PHKA1: variants seen among roughly 807,000 people sequenced by gnomAD.
PHKA1 encodes phosphorylase kinase regulatory subunit alpha 1.
In PHKA1, 60 loss-of-function variants were observed where a neutral mutation model predicts 110.2. The ratio of observed to expected loss-of-function variants is 0.54; its 90% confidence interval spans 0.44 to 0.68. The LOEUF is 0.68. Among genes scored for constraint, PHKA1 ranks in the 30% least tolerant of loss-of-function variants. The pLI is 0.00. For synonymous variants in PHKA1, 316 were observed against 333.6 expected, an observed-to-expected ratio of 0.95 and a Z score of 0.58; for missense variants, 801 against 942.5, an observed-to-expected ratio of 0.85 and a Z score of 1.97.
At chrX:72,621,028 T>G in intron 18 of PHKA1, 127 bp from the exon 19 acceptor site, 1 of 716,791 alleles carries the variant, frequency 1.4e-6, no homozygotes, top group Non-Finnish European at 2.0e-6. Context: ...GTAGGTTGTT[T>G]TTAGCTCATG....
intron 8 of PHKA1, among the ~76,000 whole-genome samples, chrX:72,659,091 T>C (rs2053530586): frequency 8.9e-6 from 1 of 112,079 alleles, no homozygotes; most frequent in Non-Finnish European, 1.9e-5. Context: ...ATTCTCCTAT[T>C]AGGGAGATCT....
At chrX:72,641,191 G>A (rs1274708819) in intron 14 of PHKA1, among the ~76,000 whole-genome samples, 1 of 111,749 alleles carries the variant, frequency 8.9e-6, no homozygotes, top group African/African-American at 3.2e-5. Flanking sequence ...TCTTAGTTAT[G>A]TCACTATGAA....
intron 2 of PHKA1, among the ~76,000 whole-genome samples, chrX:72,710,770 G>T (rs1028086511): frequency 1.2e-4 from 13 of 109,271 alleles, no homozygotes; most frequent in African/African-American, 4.4e-4. Flanking sequence ...TTTAGAATGG[G>T]CAATTCAATG....
At chrX:72,623,936 G>T (rs992185731) in intron 17 of PHKA1, among the ~76,000 whole-genome samples, 1 of 111,624 alleles carries the variant, frequency 9.0e-6, no homozygotes, top group East Asian at 2.8e-4. Flanking sequence ...AAGGGGGGAA[G>T]GGAAAGCTCT....
rs188169500 is a variant in PHKA1 at position 72,589,154 on chromosome X, T to C, written c.3243+3950A>G. Among the ~76,000 whole-genome samples the C allele has an allele frequency of 3.6e-5, 4 of 111,949 alleles. No individual in the cohort carries two copies. The East Asian group carries it at 1.1e-3, about 31-fold the overall frequency. The stretch of plus-strand genomic sequence containing the variant: ...GAGAATGTTAGACCAATATCCCTGA[T>C]GAACATCAATGGGAAAATCCTCAGT... On this transcript the variant is annotated intron_variant, in intron 29 of 31. Coordinates refer to ENST00000373542, the MANE Select transcript of PHKA1 (RefSeq NM_002637.4).
intron 2 of PHKA1, among the ~76,000 whole-genome samples, chrX:72,707,649 GT>G (rs2054308647): frequency 9.1e-6 from 1 of 109,847 alleles, no homozygotes; most frequent in African/African-American, 3.3e-5. Flanking sequence ...GTGTGTGTGT[GT>G]GTGTGTGTGT....
At chrX:72,588,147 T>C (rs1459923684) in intron 29 of PHKA1, among the ~76,000 whole-genome samples, 1 of 112,127 alleles carries the variant, frequency 8.9e-6, no homozygotes, top group African/African-American at 3.2e-5. Flanking sequence ...CAGCACCACA[T>C]GGCACTTATT....
chrX:72,682,139 C>T (rs2053896103), intron 5 of PHKA1, among the ~76,000 whole-genome samples: 1 of 91,797 alleles, frequency 1.1e-5, no homozygotes, highest in African/African-American at 3.9e-5. Flanking sequence ...CGCCTCTGCC[C>T]GGCCGCCCCT....
In PHKA1 at chrX:72,635,205, C is replaced by T. The variant is rs148224624; in HGVS notation, c.1664G>A (p.Arg555Gln). Reference sequence around the variant, plus strand: ...GGTGATGGTGGGCTGGCCTGTCATCCGCCAGCGGCTACAGAGGTAGGAGAG... The same window carrying T: ...GGTGATGGTGGGCTGGCCTGTCATCTGCCAGCGGCTACAGAGGTAGGAGAG... ...TDLSYLCSRW[R>Q]MTGQPTITFP... Residue 555 changes from arginine (R) to glutamine (Q), a missense_variant, in exon 16 of 32, where the codon CGG becomes CAG. Arg to Gln is a conservative substitution (Grantham distance 43). Transcript: ENST00000373542. The T allele has an allele frequency of 5.0e-6, 6 of 1,209,729 alleles. No homozygotes were observed. The highest frequency in any genetic ancestry group is 1.8e-5 in the South Asian group (1 of 56,809).
Position 72,581,115 on chromosome X carries a change from G to T in PHKA1, c.3559C>A (p.Leu1187Ile). 8.4e-7 allele frequency: 1 copy of T among 1,193,566 alleles called. No individual in the cohort carries two copies. Among genetic ancestry groups the T allele is most frequent in the South Asian group, 1.8e-5 (1 of 56,548 alleles). Residue 1187 changes from leucine (L) to isoleucine (I), a missense_variant, in exon 32 of 32, where the codon CTT (leucine) becomes ATT (isoleucine). Physicochemically the swap from Leu to Ile is conservative, Grantham distance 5. Around this residue, in one of 2 missense-constraint regions of PHKA1, gnomAD observed 502 missense variants for 519.2 expected, o/e 0.97. Coordinates refer to ENST00000373542, the MANE Select transcript of PHKA1 (RefSeq NM_002637.4). ...CCACTGGGTGCACTGTCATACAGAA[G>T]AGTACAGATGCCAGATGCGGGATCC... Reference protein sequence around the residue: ...AKDPASGICTLLYDSAPSGRF... With the variant: ...AKDPASGICTILYDSAPSGRF...
chrX:72,692,288 A>C (rs2147820328), intron 4 of PHKA1, among the ~76,000 whole-genome samples: 1 of 111,846 alleles, frequency 8.9e-6, no homozygotes, highest in African/African-American at 3.2e-5. Flanking sequence ...TATTAATAAG[A>C]GATATTGATC....
rs782698621 is a variant in PHKA1 at position 72,623,300 on chromosome X, A to G, written c.1794-25T>C. 3.5e-6 allele frequency: 4 copies of G among 1,159,336 alleles called. No homozygotes were observed. The East Asian group carries it at 1.2e-4, about 35-fold the overall frequency. On this transcript the variant is annotated intron_variant, in intron 17 of 31. Coordinates refer to ENST00000373542, the MANE Select transcript of PHKA1 (RefSeq NM_002637.4). ...CCTAAAAATTAGAGGAGGATAGAAA[A>G]CAGAAAATCAGGGGTGATCCTTTTT...
intron 21 of PHKA1, 94 bp downstream of exon 21, chrX:72,618,616 G>C (rs1406208046): frequency 1.4e-6 from 1 of 738,848 alleles, no homozygotes; most frequent in South Asian, 2.3e-5. Flanking sequence ...TTCAATTCCA[G>C]ATCAGCGAAA....
intron 21 of PHKA1, among the ~76,000 whole-genome samples, chrX:72,615,702 G>C (rs1351943037): frequency 2.4e-5 from 2 of 84,154 alleles, no homozygotes; most frequent in African/African-American, 9.1e-5. Flanking sequence ...AAGGAAGGAA[G>C]GAAGGAAAGA....
chrX:72,606,354 G>GCACACA (rs61135772), intron 23 of PHKA1, among the ~76,000 whole-genome samples: 16 of 101,154 alleles, frequency 1.6e-4, no homozygotes, highest in Middle Eastern at 4.9e-3. Flanking sequence ...TCACACACAT[G>GCACACA]CACACACACA....
chrX:72,652,555 A>G lies in PHKA1; in HGVS notation c.1234T>C (p.Leu412=). 1 of 1,152,339 alleles carries G rather than the reference A, an allele frequency of 8.7e-7. No individual in the cohort carries two copies. The highest frequency in any genetic ancestry group is 1.2e-6 in the Non-Finnish European group (1 of 841,345). 95.0% of individuals were successfully genotyped at this position (1,152,339 alleles called of 1,213,427 possible). A position where few individuals can be genotyped will look rare whatever the true frequency, so the allele number is the denominator to read the frequency against. Residue 412 remains leucine (L), a synonymous_variant, in exon 12 of 32, where the codon TTG becomes CTG. Transcript: ENST00000373542. ...AAGATTCCTCTTACCTCTGCCATCA[A>G]GCTTCCTAAAATGTATAGAGACTGA... is the stretch of plus-strand genomic sequence containing the variant. ...WGQSLYILGS[L]MAEGFLAPGE... is the part of the protein sequence containing the mutation.
intron 28 of PHKA1, among the ~76,000 whole-genome samples, chrX:72,596,935 A>G (rs1275847119): frequency 8.9e-6 from 1 of 112,512 alleles, no homozygotes; most frequent in East Asian, 2.8e-4. Context: ...ATGGAATAGA[A>G]CAGGGAGTTC....
In PHKA1 at chrX:72,605,331, G is replaced by T; in HGVS notation, c.2755C>A (p.Arg919=). 1 of 1,205,018 alleles carries T rather than the reference G, an allele frequency of 8.3e-7. No homozygotes were observed. The highest frequency in any genetic ancestry group is 1.1e-6 in the Non-Finnish European group (1 of 889,611). Residue 919 remains arginine (R), a synonymous_variant, in exon 25 of 32, where the codon CGA becomes AGA. Coordinates refer to ENST00000373542, the MANE Select transcript of PHKA1 (RefSeq NM_002637.4). ...ATAACTTGTATGATCAGACCAATTC[G>T]AAGTCGAAACATTTCAGCAAAGAGG... ...PGLFAEMFRL[R]IGLIIQVMAT...
Position 72,652,540 on chromosome X carries a change from T to G in PHKA1, c.1245+4A>C, listed in dbSNP as rs782808148. On this transcript the variant is annotated splice_donor_region_variant and intron_variant, in intron 12 of 31. Coordinates refer to ENST00000373542, the MANE Select transcript of PHKA1 (RefSeq NM_002637.4). ...AGTGGGACAGCCTTGAAGATTCCTC[T>G]TACCTCTGCCATCAAGCTTCCTAAA... 8 of 1,082,191 alleles carry G rather than the reference T, an allele frequency of 7.4e-6. No homozygotes were observed. In the Admixed American group the frequency reaches 1.3e-4, roughly 18 times the overall value. 89.2% of individuals were successfully genotyped at this position (1,082,191 alleles called of 1,213,427 possible). A position where few individuals can be genotyped will look rare whatever the true frequency, so the allele number is the denominator to read the frequency against.
Sources: allele counts gnomAD v4.1 joint callset (sites outside exome capture counted in the v4.1 genomes callset), GRCh38; gene constraint gnomAD v4.1.1; regional missense constraint gnomAD v4.1.1; transcripts MANE v1.5; gene names NCBI Gene and HGNC (gene_info 2026-07-23, HGNC 2026-07-21).